AKAP8L: variants seen among roughly 807,000 people sequenced by gnomAD.
The protein encoded by AKAP8L is A-kinase anchor protein 8-like.
AKAP8L carries 34 observed loss-of-function variants against 77.5 expected under a neutral mutation model. That is an observed-to-expected ratio of 0.44 (90% CI 0.33 to 0.58). The LOEUF is 0.58. Among genes scored for constraint, AKAP8L ranks in the 20% least tolerant of loss-of-function variants. The pLI, the probability that AKAP8L is intolerant of heterozygous loss-of-function variation, is 0.02. For synonymous variants in AKAP8L, 342 were observed against 340.7 expected (o/e 1.00, Z -0.04); for missense variants, 806 against 887.6 (o/e 0.91, Z 1.17).
chr19:15,400,486 T>C, intron 7 of AKAP8L, 128 bp from the exon 8 acceptor site: 1 of 989,820 alleles, frequency 1.0e-6, no homozygotes, highest in Middle Eastern at 2.3e-4. Flanking sequence ...AGGGCTATCC[T>C]ATAGGCAGGG....
intron 2 of AKAP8L, among the ~76,000 whole-genome samples, chr19:15,409,250 C>G (rs1055626387): frequency 6.6e-6 from 1 of 152,008 alleles, no homozygotes; most frequent in Non-Finnish European, 1.5e-5. Context: ...ATGGCATATC[C>G]GAGAAATGGC....
chr19:15,387,302 G>T (rs1018491231), intron 12 of AKAP8L, among the ~76,000 whole-genome samples: 1 of 152,146 alleles, frequency 6.6e-6, no homozygotes, highest in Admixed American at 6.6e-5. Flanking sequence ...CACAGTGAGA[G>T]CACGGCCTTA....
chr19:15,414,774 C>T (rs966964649), intron 1 of AKAP8L, among the ~76,000 whole-genome samples: 2 of 152,030 alleles, frequency 1.3e-5, no homozygotes, highest in Admixed American at 1.3e-4. Flanking sequence ...AGGCGTGAGC[C>T]ACCACGCCTA....
chr19:15,416,352 G>A (rs1968207311), intron 1 of AKAP8L, among the ~76,000 whole-genome samples: 1 of 152,146 alleles, frequency 6.6e-6, no homozygotes, highest in East Asian at 1.9e-4. Flanking sequence ...AAATGACTGA[G>A]TGTGACTTCT....
In AKAP8L at chr19:15,403,726, G is replaced by A. The variant is rs760808899; in HGVS notation, c.122-11C>T. On this transcript the variant is annotated splice_polypyrimidine_tract_variant and intron_variant, in intron 3 of 13. Coordinates refer to ENST00000397410, the MANE Select transcript of AKAP8L (RefSeq NM_014371.4). This position sits in a 1 kb window ranked among gnomAD's most constrained non-coding sequence, Gnocchi z 4.3. Reference sequence around the variant, plus strand: ...CATAGCCCTCGTAGCCTGCAGTGAGGGAGACAGAGACAGACAGATGGTGGG... The same window carrying A: ...CATAGCCCTCGTAGCCTGCAGTGAGAGAGACAGAGACAGACAGATGGTGGG... 8.3e-6 allele frequency: 13 copies of A among 1,560,426 alleles called. No homozygotes were observed. The South Asian group carries it at 1.5e-4, about 18-fold the overall frequency.
Position 15,403,624 on chromosome 19 carries a change from C to T in AKAP8L, c.213G>A (p.Met71Ile). Residue 71 changes from methionine (M) to isoleucine (I), a missense_variant, in exon 4 of 14, where the codon ATG (methionine) becomes ATA (isoleucine). Met to Ile is a conservative substitution (Grantham distance 10, BLOSUM62 1). This residue lies in a region of AKAP8L where 580 missense variants were observed against 694.1 expected (regional missense o/e 0.84). Coordinates refer to ENST00000397410, the MANE Select transcript of AKAP8L (RefSeq NM_014371.4). This position sits in a 1 kb window ranked among gnomAD's most constrained non-coding sequence, Gnocchi z 4.3. ...YGMATSHSWEMPSSDTNANTS... is the reference protein window; with the variant it reads ...YGMATSHSWEIPSSDTNANTS... Reference sequence around the variant, plus strand: ...TGTTTGCATTTGTGTCAGAGCTAGGCATTTCCCAAGAGTGTGAAGTGGCCA... The same window carrying T: ...TGTTTGCATTTGTGTCAGAGCTAGGTATTTCCCAAGAGTGTGAAGTGGCCA... 1 of 1,613,988 alleles carries T rather than the reference C, an allele frequency of 6.2e-7. No individual in the cohort carries two copies. The highest frequency in any genetic ancestry group is 8.5e-7 in the Non-Finnish European group (1 of 1,179,896).
chr19:15,408,339 T>C (rs1489078500), intron 2 of AKAP8L, among the ~76,000 whole-genome samples: 3 of 144,032 alleles, frequency 2.1e-5, no homozygotes, highest in African/African-American at 7.8e-5. Flanking sequence ...CCAAGGCGGG[T>C]GGATCACCTG....
rs188997016 is a variant in AKAP8L at position 15,400,821 on chromosome 19, G to A, written c.957C>T (p.Thr319=). The A allele has an allele frequency of 2.6e-4, 412 of 1,613,944 alleles. 6 individuals are homozygous for A. In the East Asian group the frequency reaches 7.7e-3, roughly 30 times the overall value. ...EGEATEGLEG[T]EAVEKGSRVD... Reference sequence around the variant, plus strand: ...CTCTGGAGCCCTTCTCCACAGCCTCGGTGCCTTCAAGGCCCTCTGTGGCTT... The same window carrying A: ...CTCTGGAGCCCTTCTCCACAGCCTCAGTGCCTTCAAGGCCCTCTGTGGCTT... The change falls in exon 7 of 14, where the codon ACC becomes ACT. Residue 319 remains threonine (T), a synonymous_variant. Coordinates refer to ENST00000397410, the MANE Select transcript of AKAP8L (RefSeq NM_014371.4).
At chr19:15,400,204 T>A in intron 8 of AKAP8L, 91 bp downstream of exon 8, 1 of 1,372,566 alleles carries the variant, frequency 7.3e-7, no homozygotes, top group Non-Finnish European at 1.0e-6. Context: ...ACTGGCCGCA[T>A]GTCTGCCGCA....
chr19:15,397,975 G>A lies in AKAP8L; in HGVS notation c.1158-120C>T, dbSNP rs571621983. On this transcript the variant is annotated intron_variant, in intron 9 of 13. Coordinates refer to ENST00000397410, the MANE Select transcript of AKAP8L (RefSeq NM_014371.4). This position sits in a 1 kb window ranked among gnomAD's most constrained non-coding sequence, Gnocchi z 4.7. ...CCTTGCTCACGGGCCTCTGAAGTAC[G>A]GTCCCAGCAGAGGGACAGGCTGGGA... 25 of 1,281,780 alleles carry A rather than the reference G, an allele frequency of 2.0e-5. No homozygotes were observed. In the East Asian group the frequency reaches 2.0e-4, roughly 10 times the overall value. 79.4% of individuals were successfully genotyped at this position (1,281,780 alleles called of 1,614,324 possible). A position where few individuals can be genotyped will look rare whatever the true frequency, so the allele number is the denominator to read the frequency against.
chr19:15,413,819 A>G (rs1757869996), intron 1 of AKAP8L, among the ~76,000 whole-genome samples: 1 of 152,104 alleles, frequency 6.6e-6, no homozygotes, highest in African/African-American at 2.4e-5. Context: ...AGCCTACCAC[A>G]CCCTCACAAG....
chr19:15,397,228 G>A lies in AKAP8L; in HGVS notation c.1458C>T (p.Ala486=). The A allele has an allele frequency of 6.2e-7, 1 of 1,614,026 alleles. No individual in the cohort carries two copies. Among genetic ancestry groups the A allele is most frequent in the Non-Finnish European group, 8.5e-7 (1 of 1,179,910 alleles). The change falls in exon 12 of 14, where the codon GCC becomes GCT. Residue 486 remains alanine, a synonymous_variant. Coordinates refer to ENST00000397410, the MANE Select transcript of AKAP8L (RefSeq NM_014371.4). This position sits in a 1 kb window ranked among gnomAD's most constrained non-coding sequence, Gnocchi z 4.7. ...VKKVEAAHCA[A]CDLFIPMQFG... Reference sequence around the variant, plus strand: ...ACTGCATGGGAATGAAGAGGTCGCAGGCTGCACAATGGGCTGCCTCCACCT... The same window carrying A: ...ACTGCATGGGAATGAAGAGGTCGCAAGCTGCACAATGGGCTGCCTCCACCT...
intron 12 of AKAP8L, chr19:15,383,823 G>C (rs1157044706): frequency 6.6e-6 from 1 of 151,572 alleles, no homozygotes; most frequent in East Asian, 1.9e-4. Flanking sequence ...GACTAGAAAT[G>C]TGCTGTCTAT....
chr19:15,387,240 G>C (rs906805179), intron 12 of AKAP8L, among the ~76,000 whole-genome samples: 1 of 152,202 alleles, frequency 6.6e-6, no homozygotes, highest in Non-Finnish European at 1.5e-5. Context: ...GTCACTCAGA[G>C]AGAGGTACTC....
chr19:15,400,571 C>T, intron 7 of AKAP8L: 1 of 709,548 alleles, frequency 1.4e-6, no homozygotes, highest in Admixed American at 2.8e-5. Flanking sequence ...ACCTCACATC[C>T]TCCCACTACC....
intron 1 of AKAP8L, among the ~76,000 whole-genome samples, chr19:15,410,865 C>T (rs1327987087): frequency 6.6e-6 from 1 of 152,158 alleles, no homozygotes; most frequent in Non-Finnish European, 1.5e-5. Context: ...CGGGCTGCAA[C>T]GCAGTGGCAT....
At position 15,400,825 on chromosome 19, in the gene AKAP8L, C is replaced by A; in HGVS notation, c.953G>T (p.Gly318Val). Reference protein sequence around the residue: ...TEGEATEGLEGTEAVEKGSRV... With the variant: ...TEGEATEGLEVTEAVEKGSRV... ...GGAGCCCTTCTCCACAGCCTCGGTG[C>A]CTTCAAGGCCCTCTGTGGCTTCCCC... The change falls in exon 7 of 14, where the codon GGC becomes GTC. Residue 318 changes from glycine (G) to valine (V), a missense_variant. Transcript: ENST00000397410. 6.2e-7 allele frequency: 1 copy of A among 1,614,046 alleles called. No individual in the cohort carries two copies. The highest frequency in any genetic ancestry group is 1.3e-5 in the African/African-American group (1 of 75,070).
intron 12 of AKAP8L, chr19:15,382,032 C>G (rs1475730763): frequency 6.6e-6 from 1 of 152,194 alleles, no homozygotes; most frequent in Non-Finnish European, 1.5e-5. Context: ...TGGATGTTGT[C>G]ACTGTTGGGT....
At chr19:15,382,161 A>C (rs2145099947) in intron 12 of AKAP8L, 1 of 150,630 alleles carries the variant, frequency 6.6e-6, no homozygotes, top group Non-Finnish European at 1.5e-5. Flanking sequence ...ACAGTTTATA[A>C]TTTTCTAACT....
Sources: gnomAD v4.1 joint callset for allele counts (sites outside exome capture counted in the v4.1 genomes callset) on GRCh38, gnomAD v4.1.1 for gene constraint, gnomAD v4.1.1 regional missense constraint, Gnocchi (gnomAD v3.1) non-coding constraint, MANE v1.5 for transcripts, NCBI Gene and HGNC (gene_info 2026-07-23, HGNC 2026-07-21) for gene names.